Variants in ITFG2 observed in about 807,000 individuals in gnomAD.
ITFG2 encodes KICSTOR complex protein ITFG2.
Under a neutral mutation model 54.4 loss-of-function variants are expected in ITFG2, and 36 were observed. That is an observed-to-expected ratio of 0.66 (90% CI 0.51 to 0.87). The LOEUF is 0.87. ITFG2 is among the 40% of genes least tolerant of loss of function. The pLI is 0.00. For synonymous variants in ITFG2, 211 were observed against 225.4 expected (o/e 0.94, Z 0.57); for missense variants, 524 against 576.7 (o/e 0.91, Z 0.94).
At chr12:2,856,998 CTGAG>C (rs1475056022) in intron 2 of ITFG2, 5 of 703,008 alleles carry the variant, frequency 7.1e-6, no homozygotes, top group South Asian at 1.5e-5. Context: ...ACTGGGCCCT[CTGAG>C]TGATCTTTGC....
chr12:2,832,228 C>G (rs2098006751), upstream of ITFG2, among the ~76,000 whole-genome samples: 1 of 152,124 alleles, frequency 6.6e-6, no homozygotes, highest in African/African-American at 2.4e-5. Flanking sequence ...CATGTCTTCT[C>G]TTATTTAAAA....
At chr12:2,843,648 A>G (rs1011985160) in intron 2 of ITFG2, among the ~76,000 whole-genome samples, 1 of 152,288 alleles carries the variant, frequency 6.6e-6, no homozygotes, top group East Asian at 1.9e-4. Flanking sequence ...CCCAGTCTCC[A>G]CTAAAAATAC....
downstream of ITFG2, chr12:2,827,350 T>C (rs1048174960): frequency 6.3e-7 from 1 of 1,575,996 alleles, no homozygotes; most frequent in Non-Finnish European, 8.6e-7. The surrounding 1 kb of genome is among the most constrained non-coding windows in gnomAD (Gnocchi z 4.0). Context: ...GCCACCTGCC[T>C]CCCGGCCTGC....
chr12:2,855,407 A>T, intron 2 of ITFG2: 1 of 656,776 alleles, frequency 1.5e-6, no homozygotes, highest in Non-Finnish European at 2.3e-6. Flanking sequence ...CGCTGAGCCC[A>T]CGTTTGGGAG....
At chr12:2,836,501 G>C (rs1263785810), upstream of ITFG2, among the ~76,000 whole-genome samples, 1 of 152,150 alleles carries the variant, frequency 6.6e-6, no homozygotes, top group Non-Finnish European at 1.5e-5. Flanking sequence ...TAGGAACCAA[G>C]CCTCTTTGAG....
At chr12:2,858,487 G>A (rs2098096623) in intron 3 of ITFG2, 12 of 649,620 alleles carry the variant, frequency 1.8e-5, no homozygotes, top group Non-Finnish European at 3.1e-5. Flanking sequence ...TGGCTAGGGT[G>A]TGACTGCTAC....
At chr12:2,838,676 C>T (rs1057047243) in intron 1 of ITFG2, among the ~76,000 whole-genome samples, 1 of 152,160 alleles carries the variant, frequency 6.6e-6, no homozygotes, top group South Asian at 2.1e-4. Context: ...GTTCTGTAAC[C>T]CAAGCAAGTA....
exon 4 of ITFG2, chr12:2,859,687 T>C: frequency 6.4e-7 from 1 of 1,570,422 alleles, no homozygotes; most frequent in South Asian, 1.1e-5. Context: ...AGAGATAAGG[T>C]GAACCAACGG....
At chr12:2,850,501 C>T (rs1400871567) in intron 2 of ITFG2, among the ~76,000 whole-genome samples, 1 of 148,278 alleles carries the variant, frequency 6.7e-6, no homozygotes, top group Non-Finnish European at 1.5e-5. Context: ...AAAAATGGGG[C>T]CCCAGGTCAT....
intron 2 of ITFG2, among the ~76,000 whole-genome samples, chr12:2,852,313 G>A (rs1414534284): frequency 6.6e-6 from 1 of 152,138 alleles, no homozygotes; most frequent in Non-Finnish European, 1.5e-5. Flanking sequence ...CTGTATGTAT[G>A]CTAGGCCCTG....
At chr12:2,827,119 A>T (rs2097971189), downstream of ITFG2, 1 of 1,591,692 alleles carries the variant, frequency 6.3e-7, no homozygotes, top group South Asian at 1.1e-5. The surrounding 1 kb of genome is among the most constrained non-coding windows in gnomAD (Gnocchi z 4.0). Context: ...CATAGTCCCC[A>T]GCTACCTGGC....
chr12:2,821,627 TG>T (rs747818626), intron 8 of ITFG2, 31 bp downstream of exon 8: 41 of 1,613,832 alleles, frequency 2.5e-5, no homozygotes, highest in Non-Finnish European at 2.8e-5. Flanking sequence ...GTGTGGGGGC[TG>T]TATGCCTGTA....
rs368219788 is a variant in ITFG2 at position 2,812,737 on chromosome 12, G to T, written c.-24G>T. ...CAGGGAATATTTACTGGGCCTCTCC[G>T]CTCCCTCTGCTCTTGGAGGTGCCAT... On this transcript the variant is annotated 5_prime_UTR_variant, in exon 1 of 12. Transcript: ENST00000228799. The T allele has an allele frequency of 6.3e-7, 1 of 1,583,850 alleles. No individual in the cohort carries two copies.
exon 3 of ITFG2, chr12:2,830,849 A>G: frequency 6.2e-7 from 1 of 1,613,022 alleles, no homozygotes; most frequent in African/African-American, 1.3e-5. Flanking sequence ...TTTGGATCAC[A>G]CTGCGCGGCT....
At chr12:2,838,203 GATT>G (rs1405501949) in intron 1 of ITFG2, among the ~76,000 whole-genome samples, 2 of 152,186 alleles carry the variant, frequency 1.3e-5, no homozygotes, top group Non-Finnish European at 2.9e-5. Flanking sequence ...ATAATTGATA[GATT>G]ATTGAGTGAC....
At chr12:2,846,872 A>G (rs1365527581) in intron 2 of ITFG2, among the ~76,000 whole-genome samples, 1 of 152,116 alleles carries the variant, frequency 6.6e-6, no homozygotes, top group Non-Finnish European at 1.5e-5. Flanking sequence ...CAAGAGTTCG[A>G]TGTATTACAT....
intron 2 of ITFG2, 106 bp from the exon 3 acceptor site, chr12:2,817,803 G>A: frequency 1.9e-6 from 2 of 1,034,034 alleles, no homozygotes; most frequent in Non-Finnish European, 1.4e-6. Context: ...AAAGTCTTCA[G>A]TGAGCGATGG....
intron 5 of ITFG2, 56 bp from the exon 6 acceptor site, chr12:2,820,668 G>T: frequency 8.8e-7 from 1 of 1,137,980 alleles, no homozygotes. Flanking sequence ...GCCGTTCTCT[G>T]CAGGGACCCA....
chr12:2,857,200 T>G, intron 2 of ITFG2: 1 of 636,592 alleles, frequency 1.6e-6, no homozygotes, highest in South Asian at 1.8e-5. Flanking sequence ...CTTTTCAGGT[T>G]AGACAGGCAG....
Sources: allele counts gnomAD v4.1 joint callset (sites outside exome capture counted in the v4.1 genomes callset), GRCh38; gene constraint gnomAD v4.1.1; non-coding constraint Gnocchi (gnomAD v3.1); transcripts MANE v1.5; gene names NCBI Gene and HGNC (gene_info 2026-07-23, HGNC 2026-07-21).